SPAG16: variants seen among roughly 807,000 people sequenced by gnomAD.
SPAG16 encodes sperm associated antigen 16, also known as sperm-associated antigen 16 protein.
SPAG16 carries 86 observed loss-of-function variants against 80.4 expected under a neutral mutation model. The ratio of observed to expected loss-of-function variants is 1.07; its 90% CI spans 0.90 to 1.28. The LOEUF (loss-of-function observed/expected upper bound fraction) is 1.28. Ranked by LOEUF, SPAG16 falls within the 50% of genes most tolerant of loss-of-function variation. The probability of loss-of-function intolerance (pLI) is 0.00; values close to 1 mark genes in which losing one functional copy is unlikely to be tolerated. For missense variants in SPAG16, 870 were observed against 765.3 expected (o/e 1.14, Z -1.61); for synonymous variants, 294 against 265.9 (o/e 1.11, Z -1.03).
At chr2:213,297,751 T>TA (rs2062568221) in intron 3 of SPAG16, among the ~76,000 whole-genome samples, 1 of 152,198 alleles carries the variant, frequency 6.6e-6, no homozygotes, top group Non-Finnish European at 1.5e-5. Context: ...GAATGCTTAA[T>TA]ATGGCTTTCT....
intron 15 of SPAG16, among the ~76,000 whole-genome samples, chr2:214,288,680 A>G (rs1693562865): frequency 6.6e-6 from 1 of 152,060 alleles, no homozygotes; most frequent in Non-Finnish European, 1.5e-5. Flanking sequence ...CCTGCTGGTT[A>G]GCAATACTGA....
At chr2:213,927,197 T>C (rs1386572388) in intron 11 of SPAG16, among the ~76,000 whole-genome samples, 1 of 152,186 alleles carries the variant, frequency 6.6e-6, no homozygotes, top group Non-Finnish European at 1.5e-5. Flanking sequence ...TGTCTAAACC[T>C]AGTTATTTCT....
chr2:214,274,843 A>G (rs1004832489), intron 15 of SPAG16, among the ~76,000 whole-genome samples: 1 of 151,960 alleles, frequency 6.6e-6, no homozygotes, highest in Non-Finnish European at 1.5e-5. Flanking sequence ...CTCTTTTTCT[A>G]TTGATTGGAA....
intron 12 of SPAG16, among the ~76,000 whole-genome samples, chr2:213,937,883 A>G (rs1222271931): frequency 6.6e-6 from 1 of 152,038 alleles, no homozygotes; most frequent in Non-Finnish European, 1.5e-5. Flanking sequence ...ACCAATATAC[A>G]TGGATCAATA....
intron 12 of SPAG16, among the ~76,000 whole-genome samples, chr2:213,932,858 T>G (rs2078826206): frequency 6.6e-6 from 1 of 152,096 alleles, no homozygotes; most frequent in African/African-American, 2.4e-5. Context: ...CTCTACAAGG[T>G]TTCTGTGAAT....
At chr2:213,336,646 T>G (rs757374085) in intron 5 of SPAG16, among the ~76,000 whole-genome samples, 5 of 152,128 alleles carry the variant, frequency 3.3e-5, no homozygotes, top group Non-Finnish European at 7.4e-5. Flanking sequence ...CTTCCTTAAG[T>G]AGAACACTGA....
At chr2:213,578,497 A>G (rs1184314666) in intron 10 of SPAG16, among the ~76,000 whole-genome samples, 1 of 152,184 alleles carries the variant, frequency 6.6e-6, no homozygotes, top group Non-Finnish European at 1.5e-5. Flanking sequence ...GTTGAATATT[A>G]GAGATTATTA....
At chr2:214,188,374 C>T (rs1003560305) in intron 15 of SPAG16, among the ~76,000 whole-genome samples, 4 of 152,152 alleles carry the variant, frequency 2.6e-5, no homozygotes, top group African/African-American at 9.7e-5. Context: ...CACTGTATTA[C>T]AAAGTATGTG....
chr2:213,309,102 G>T (rs889650562), intron 3 of SPAG16, among the ~76,000 whole-genome samples: 1 of 152,060 alleles, frequency 6.6e-6, no homozygotes, highest in Non-Finnish European at 1.5e-5. Context: ...TTTACCTGTG[G>T]TATCATGTTG....
At chr2:214,409,962 T>C (rs1702207731) in intron 15 of SPAG16, among the ~76,000 whole-genome samples, 178 bp from the exon 16 acceptor site, 1 of 152,196 alleles carries the variant, frequency 6.6e-6, no homozygotes, top group Admixed American at 6.5e-5. Context: ...TATTGATGTG[T>C]CTTAATTTTG....
chr2:213,973,988 G>C (rs1035454440), intron 12 of SPAG16, among the ~76,000 whole-genome samples: 3 of 152,098 alleles, frequency 2.0e-5, no homozygotes, highest in Admixed American at 6.6e-5. Context: ...ATGACCTGTA[G>C]TAAATCAGGG....
chr2:213,347,598 T>C (rs1229069107), intron 6 of SPAG16, among the ~76,000 whole-genome samples: 1 of 152,244 alleles, frequency 6.6e-6, no homozygotes, highest in East Asian at 1.9e-4. Context: ...TTTGTTCTCA[T>C]TGGTTTCAAA....
intron 13 of SPAG16, among the ~76,000 whole-genome samples, chr2:214,107,267 C>A (rs2053433210): frequency 1.3e-5 from 2 of 152,140 alleles, no homozygotes; most frequent in Admixed American, 1.3e-4. Flanking sequence ...GAATAAGGTT[C>A]TTTGTCTATT....
At chr2:213,897,497 G>A (rs773883017) in intron 11 of SPAG16, among the ~76,000 whole-genome samples, 15 of 151,974 alleles carry the variant, frequency 9.9e-5, no homozygotes, top group Non-Finnish European at 1.9e-4. Context: ...TGTTTTCTTG[G>A]ATATATTTTA....
At chr2:214,030,780 T>C (rs2048366600) in intron 13 of SPAG16, among the ~76,000 whole-genome samples, 1 of 152,164 alleles carries the variant, frequency 6.6e-6, no homozygotes, top group African/African-American at 2.4e-5. Flanking sequence ...GTACTGCAAT[T>C]CCTGGGTCCC....
chr2:214,370,457 A>C (rs947764661), intron 15 of SPAG16, among the ~76,000 whole-genome samples: 2 of 152,156 alleles, frequency 1.3e-5, no homozygotes, highest in African/African-American at 4.8e-5. Flanking sequence ...ATAATAGAGA[A>C]ATTATATAAA....
intron 12 of SPAG16, among the ~76,000 whole-genome samples, chr2:213,995,851 G>T (rs1287374892): frequency 6.6e-6 from 1 of 152,116 alleles, no homozygotes; most frequent in East Asian, 1.9e-4. Flanking sequence ...TCTGAGATCT[G>T]GCTACCTTTT....
chr2:213,930,084 T>A lies in SPAG16; in HGVS notation c.1339T>A (p.Cys447Ser), dbSNP rs765197414. Residue 447 changes from cysteine (C) to serine (S), a missense_variant, in exon 12 of 16, where the codon TGC (cysteine) becomes AGC (serine). By Grantham distance (112) the Cys-to-Ser change is moderately radical. Transcript: ENST00000331683. ...RAVWSCTWHSCGNFVASSSLD... is the reference protein window; with the variant it reads ...RAVWSCTWHSSGNFVASSSLD... ...AGTGTGGTCCTGCACATGGCACTCCTGCGGCAATTTTGTGGCTTCCTCCTC... is the reference window on the plus strand; with the variant it reads ...AGTGTGGTCCTGCACATGGCACTCCAGCGGCAATTTTGTGGCTTCCTCCTC... 9 of 1,613,910 alleles carry A rather than the reference T, an allele frequency of 5.6e-6. No individual in the cohort carries two copies. In the African/African-American group the frequency reaches 9.3e-5, roughly 17 times the overall value.
rs373117221 is a variant in SPAG16, at chr2:213,930,165, T to C, written c.1400+20T>C. 8 of 1,599,366 alleles carry C rather than the reference T, an allele frequency of 5.0e-6. No individual in the cohort carries two copies. The African/African-American group carries it at 8.0e-5, about 16-fold the overall frequency. On this transcript the variant is annotated intron_variant, in intron 12 of 15. Transcript: ENST00000331683. ...TAATAGGTAAGAAGTACTTTAAACA[T>C]TACTAATCCTCTGTGCTGATACATA...
Sources: allele counts gnomAD v4.1 joint callset (sites outside exome capture counted in the v4.1 genomes callset), GRCh38; gene constraint gnomAD v4.1.1; transcripts MANE v1.5; gene names NCBI Gene and HGNC (gene_info 2026-07-23, HGNC 2026-07-21).